The following SUCLG2 variants were observed in gnomAD, a reference collection of about 807,000 sequenced individuals.
The protein encoded by SUCLG2 is succinate--CoA ligase [GDP-forming] subunit beta, mitochondrial.
In SUCLG2, 42 loss-of-function variants were observed where a neutral mutation model predicts 47.9. The observed-to-expected ratio is 0.88, with a 90% CI of 0.69 to 1.14. The LOEUF (loss-of-function observed/expected upper bound fraction) is 1.14. Among genes scored for constraint, SUCLG2 ranks in the 50% most tolerant of loss-of-function variants. The pLI is 0.00. For missense variants in SUCLG2, 571 were observed against 525.9 expected (o/e 1.09, Z -0.84); for synonymous variants, 195 against 197.3 (o/e 0.99, Z 0.10).
chr3:67,480,122 C>T (rs917364891), intron 9 of SUCLG2, among the ~76,000 whole-genome samples: 1 of 121,950 alleles, frequency 8.2e-6, no homozygotes, highest in African/African-American at 3.1e-5. Context: ...CAAGAGTGTG[C>T]TGAGGCATAT....
intron 10 of SUCLG2, among the ~76,000 whole-genome samples, chr3:67,383,148 T>C (rs767429308): frequency 5.9e-5 from 9 of 152,360 alleles, no homozygotes; most frequent in Admixed American, 1.3e-4. Flanking sequence ...GCCAACAGCA[T>C]TGGCCATCCA....
At chr3:67,510,465 C>A (rs1423108969) in intron 6 of SUCLG2, among the ~76,000 whole-genome samples, 2 of 152,080 alleles carry the variant, frequency 1.3e-5, no homozygotes, top group Non-Finnish European at 2.9e-5. Context: ...CCTGATTGTA[C>A]CACTCAACCA....
chr3:67,514,185 TA>T, intron 6 of SUCLG2: 1 of 334,430 alleles, frequency 3.0e-6, no homozygotes, highest in South Asian at 3.0e-5. Flanking sequence ...ATTTCACCCC[TA>T]AAAACTCACT....
chr3:67,429,467 A>G (rs189328610), intron 9 of SUCLG2, among the ~76,000 whole-genome samples: 115 of 152,354 alleles, frequency 7.5e-4, no homozygotes, highest in African/African-American at 2.7e-3. Flanking sequence ...CATGGAAAGG[A>G]ATAACCGGTA....
At chr3:67,482,499 C>A (rs75183373) in intron 9 of SUCLG2, among the ~76,000 whole-genome samples, 515 of 152,190 alleles carry the variant, frequency 3.4e-3, no homozygotes, top group African/African-American at 0.012. Context: ...CTTCATTCAC[C>A]CTTCTTATTT....
rs183662177 is a variant in SUCLG2 at position 67,474,137 on chromosome 3, G to C, written c.1062+21661C>G. On this transcript the variant is annotated intron_variant, in intron 9 of 10. Coordinates refer to ENST00000307227, the MANE Select transcript of SUCLG2 (RefSeq NM_003848.4). ...TATCCGGGCATGGTGGCAGGCGCCT[G>C]TAGTCCCAGATACTCAGGAGGCTGA... Among the ~76,000 whole-genome samples, 428 of 152,234 alleles carry C rather than the reference G, an allele frequency of 2.8e-3. 6 individuals carry two copies. Among genetic ancestry groups the C allele is most frequent in the African/African-American group, 9.7e-3 (402 of 41,540 alleles).
chr3:67,436,053 T>TA (rs1392079592), intron 9 of SUCLG2, among the ~76,000 whole-genome samples: 4 of 152,172 alleles, frequency 2.6e-5, no homozygotes, highest in African/African-American at 4.8e-5. Context: ...TGAGCAATTC[T>TA]AAAAAAATTA....
intron 1 of SUCLG2, among the ~76,000 whole-genome samples, chr3:67,636,097 A>T (rs552453365): frequency 6.6e-6 from 1 of 152,266 alleles, no homozygotes; most frequent in Non-Finnish European, 1.5e-5. Flanking sequence ...GAACAGGGAC[A>T]ATACTTTGAA....
At chr3:67,529,040 C>T in intron 3 of SUCLG2, 47 bp downstream of exon 3, 1 of 1,530,342 alleles carries the variant, frequency 6.5e-7, no homozygotes, top group Non-Finnish European at 9.0e-7. Context: ...CAAGATCTTC[C>T]ATAACTGCTT....
chr3:67,631,465 CA>C (rs1316792602), intron 1 of SUCLG2, among the ~76,000 whole-genome samples: 1 of 151,714 alleles, frequency 6.6e-6, no homozygotes, highest in Non-Finnish European at 1.5e-5. Context: ...CCGTCTCTAC[CA>C]AAAATACAAA....
chr3:67,574,732 T>G (rs1707699218), intron 2 of SUCLG2, among the ~76,000 whole-genome samples: 1 of 152,198 alleles, frequency 6.6e-6, no homozygotes, highest in South Asian at 2.1e-4. Flanking sequence ...AAAATTCAAC[T>G]TATAGACTTC....
At chr3:67,636,528 GT>G in intron 1 of SUCLG2, among the ~76,000 whole-genome samples, 1 of 151,854 alleles carries the variant, frequency 6.6e-6, no homozygotes, top group African/African-American at 2.4e-5. Flanking sequence ...AATTTTTTGT[GT>G]TTTTAGTAGA....
intron 9 of SUCLG2, among the ~76,000 whole-genome samples, chr3:67,457,047 A>G (rs1160198686): frequency 6.6e-6 from 1 of 152,244 alleles, no homozygotes; most frequent in Non-Finnish European, 1.5e-5. Flanking sequence ...TCATCATATA[A>G]TAACATTGTA....
intron 1 of SUCLG2, among the ~76,000 whole-genome samples, chr3:67,631,699 C>G (rs552143202): frequency 6.6e-6 from 1 of 152,234 alleles, no homozygotes; most frequent in East Asian, 1.9e-4. Flanking sequence ...CTCATTTTAC[C>G]TCATAACACC....
chr3:67,597,631 GGAATAATATTTAAA>G (rs1360872585), intron 2 of SUCLG2, among the ~76,000 whole-genome samples: 1 of 152,094 alleles, frequency 6.6e-6, no homozygotes, highest in Non-Finnish European at 1.5e-5. Context: ...AAGAATTGAT[GGAATAATATTTAAA>G]GCTCTCATCT....
At chr3:67,645,550 AT>A (rs1701175914) in intron 1 of SUCLG2, among the ~76,000 whole-genome samples, 2 of 152,188 alleles carry the variant, frequency 1.3e-5, no homozygotes, top group East Asian at 1.9e-4. Context: ...TAGCACGTAT[AT>A]TTTTTTCCAT....
chr3:67,362,372 A>C (rs1194174712), intron 10 of SUCLG2, among the ~76,000 whole-genome samples: 1 of 152,186 alleles, frequency 6.6e-6, no homozygotes, highest in Non-Finnish European at 1.5e-5. Context: ...CTTAGCTCAA[A>C]AGTAGCTTCC....
chr3:67,590,335 A>T (rs1708127173), intron 2 of SUCLG2, among the ~76,000 whole-genome samples: 1 of 152,194 alleles, frequency 6.6e-6, no homozygotes, highest in Admixed American at 6.5e-5. Flanking sequence ...GGCTTTTGAG[A>T]AACTTTTGAA....
At chr3:67,453,428 A>G (rs1042687364) in intron 9 of SUCLG2, among the ~76,000 whole-genome samples, 1 of 152,116 alleles carries the variant, frequency 6.6e-6, no homozygotes, top group Non-Finnish European at 1.5e-5. Flanking sequence ...CTGTGTCCTC[A>G]CATGGCAGAA....
Sources: allele counts gnomAD v4.1 joint callset (sites outside exome capture counted in the v4.1 genomes callset), GRCh38; gene constraint gnomAD v4.1.1; transcripts MANE v1.5; gene names NCBI Gene and HGNC (gene_info 2026-07-23, HGNC 2026-07-21).